Variants in GNAQ observed in about 807,000 individuals in gnomAD.
The protein encoded by GNAQ is G protein subunit alpha q, also known as guanine nucleotide-binding protein G(q) subunit alpha.
In GNAQ, 8 loss-of-function variants were observed where a neutral mutation model predicts 43.9. The observed-to-expected ratio is 0.18, with a 90% CI of 0.11 to 0.33. The LOEUF is 0.33. Among genes scored for constraint, GNAQ ranks in the 10% least tolerant of loss-of-function variants. The pLI, the probability that GNAQ is intolerant of heterozygous loss-of-function variation, is 1.00. For synonymous variants in GNAQ, 155 were observed against 170.7 expected (o/e 0.91, Z 0.71); for missense variants, 158 against 450.8 (o/e 0.35, Z 5.88).
At chr9:77,726,015 A>AGTGTGTGTGTGT (rs142955619) in intron 6 of GNAQ, among the ~76,000 whole-genome samples, 1 of 150,652 alleles carries the variant, frequency 6.6e-6, no homozygotes. Context: ...AAGAACCTCG[A>AGTGTGTGTGTGT]GTGTGTGTGT....
intron 2 of GNAQ, among the ~76,000 whole-genome samples, chr9:77,861,901 A>G (rs1466006220): frequency 1.3e-5 from 2 of 150,036 alleles, no homozygotes. Context: ...GCTACTCAGG[A>G]GGCTGAGGCA....
intron 2 of GNAQ, among the ~76,000 whole-genome samples, chr9:77,817,417 G>A (rs1010626902): frequency 1.4e-5 from 2 of 141,846 alleles, no homozygotes; most frequent in Non-Finnish European, 3.1e-5. Context: ...AGGAAAGAAG[G>A]AAGGAAGGGA....
chr9:77,927,211 GT>G (rs1189976869), intron 1 of GNAQ, among the ~76,000 whole-genome samples: 6 of 152,040 alleles, frequency 3.9e-5, no homozygotes, highest in African/African-American at 7.2e-5. Context: ...CCATATATAT[GT>G]TTACAATGAT....
At chr9:77,880,741 C>T (rs1828195013) in intron 2 of GNAQ, among the ~76,000 whole-genome samples, 1 of 152,078 alleles carries the variant, frequency 6.6e-6, no homozygotes, top group African/African-American at 2.4e-5. Flanking sequence ...CCTTCTGGAA[C>T]AACTCATTTT....
rs113500437 is a variant in GNAQ, at chr9:77,721,559, A to G, written c.890-46T>C. On this transcript the variant is annotated intron_variant, in intron 6 of 6. Transcript: ENST00000286548. Reference sequence around the variant, plus strand: ...GGGACACTTTGTTACCTAATCTGCTAATGTATTCAATCATCATTGGTTCAA... The same window carrying G: ...GGGACACTTTGTTACCTAATCTGCTGATGTATTCAATCATCATTGGTTCAA... 937 of 1,090,210 alleles carry G rather than the reference A, an allele frequency of 8.6e-4. 10 individuals carry two copies. The African/African-American group carries it at 9.5e-3, about 11-fold the overall frequency. 67.5% of individuals were successfully genotyped at this position (1,090,210 alleles called of 1,614,324 possible).
rs147086323 is a variant in GNAQ, at chr9:77,793,236, C to T, written c.735+1227G>A. 4.5e-3 allele frequency among the ~76,000 whole-genome samples: 692 copies of T among 152,194 alleles called. 19 individuals carry two copies. The highest frequency in any genetic ancestry group is 3.1e-3 in the East Asian group (16 of 5,180). On this transcript the variant is annotated intron_variant, in intron 5 of 6. Coordinates refer to ENST00000286548, the MANE Select transcript of GNAQ (RefSeq NM_002072.5). The stretch of plus-strand genomic sequence containing the variant: ...TCATATATTGTAGCATGCTTTTAGG[C>T]ACTTTGCTTTAGAGTTATTGGGGGC...
intron 1 of GNAQ, among the ~76,000 whole-genome samples, chr9:77,988,671 G>C (rs796888073): frequency 2.6e-5 from 4 of 152,274 alleles, no homozygotes; most frequent in African/African-American, 9.6e-5. Context: ...GTGTGCAAGT[G>C]ACAAATAAAG....
intron 1 of GNAQ, among the ~76,000 whole-genome samples, chr9:77,988,734 CAT>C (rs967402866): frequency 1.1e-4 from 16 of 152,298 alleles, no homozygotes; most frequent in Admixed American, 5.9e-4. Flanking sequence ...TTGTCAAACA[CAT>C]GTTATAAAAG....
At chr9:77,940,945 C>T (rs938836230) in intron 1 of GNAQ, among the ~76,000 whole-genome samples, 2 of 149,808 alleles carry the variant, frequency 1.3e-5, no homozygotes, top group African/African-American at 4.9e-5. Flanking sequence ...GCCTGGGCGA[C>T]AGAGCGAGAC....
intron 1 of GNAQ, among the ~76,000 whole-genome samples, chr9:77,937,824 G>A (rs919433458): frequency 5.9e-5 from 9 of 152,154 alleles, no homozygotes; most frequent in African/African-American, 1.9e-4. Context: ...CCTGGGAGGC[G>A]GAGGTTGCGG....
At chr9:77,890,440 A>C (rs1828386024) in intron 2 of GNAQ, among the ~76,000 whole-genome samples, 1 of 152,156 alleles carries the variant, frequency 6.6e-6, no homozygotes, top group Non-Finnish European at 1.5e-5. Flanking sequence ...ACTGCATTGC[A>C]AGGCTGGGCA....
chr9:77,729,682 C>T (rs1380870534), intron 5 of GNAQ, among the ~76,000 whole-genome samples: 1 of 152,154 alleles, frequency 6.6e-6, no homozygotes, highest in African/African-American at 2.4e-5. Flanking sequence ...GATGTATGGG[C>T]ATGCTTCATC....
intron 2 of GNAQ, among the ~76,000 whole-genome samples, chr9:77,910,649 T>C (rs1380949475): frequency 6.6e-6 from 1 of 152,088 alleles, no homozygotes; most frequent in Non-Finnish European, 1.5e-5. Flanking sequence ...TTTTTTTTAA[T>C]CAGCCATATC....
intron 2 of GNAQ, 145 bp from the exon 3 acceptor site, chr9:77,815,915 AT>A: frequency 1.8e-6 from 1 of 552,484 alleles, no homozygotes; most frequent in South Asian, 2.9e-5. Context: ...CATGTTTCAT[AT>A]TTTTTGTTTT....
intron 1 of GNAQ, among the ~76,000 whole-genome samples, chr9:77,934,962 TA>T (rs1829210023): frequency 1.3e-5 from 2 of 152,122 alleles, no homozygotes; most frequent in South Asian, 4.1e-4. Context: ...CCGTCAATAC[TA>T]AAAATACAAA....
At chr9:77,902,374 T>C (rs894916974) in intron 2 of GNAQ, among the ~76,000 whole-genome samples, 1 of 152,194 alleles carries the variant, frequency 6.6e-6, no homozygotes, top group African/African-American at 2.4e-5. Flanking sequence ...TTCAGTATGA[T>C]TACTTTGGCA....
chr9:77,831,351 T>C (rs1827294612), intron 2 of GNAQ, among the ~76,000 whole-genome samples: 1 of 152,162 alleles, frequency 6.6e-6, no homozygotes, highest in African/African-American at 2.4e-5. Context: ...CATATGCAGT[T>C]TAAAAGGCAG....
At chr9:77,794,323 T>TAAA in intron 5 of GNAQ, 140 bp downstream of exon 5, 1 of 506,298 alleles carries the variant, frequency 2.0e-6, no homozygotes, top group East Asian at 3.3e-5. Context: ...GGATTATTTT[T>TAAA]GGTTATTTTA....
chr9:77,742,917 C>T (rs1366055339), intron 5 of GNAQ, among the ~76,000 whole-genome samples: 1 of 152,148 alleles, frequency 6.6e-6, no homozygotes, highest in Non-Finnish European at 1.5e-5. Flanking sequence ...GGAGAGTTGT[C>T]CCACAGTCAC....
Sources: allele counts gnomAD v4.1 joint callset (sites outside exome capture counted in the v4.1 genomes callset), GRCh38; gene constraint gnomAD v4.1.1; transcripts MANE v1.5; gene names NCBI Gene and HGNC (gene_info 2026-07-23, HGNC 2026-07-21).